The following SMOC2 variants were observed in gnomAD, a reference collection of about 807,000 sequenced individuals.
The protein encoded by SMOC2 is SPARC-related modular calcium-binding protein 2.
SMOC2 carries 39 observed loss-of-function variants against 61.4 expected under a neutral mutation model. The ratio of observed to expected loss-of-function variants is 0.64; its 90% CI spans 0.49 to 0.83. SMOC2 has a LOEUF of 0.83. SMOC2 is among the 40% of genes least tolerant of loss of function. The pLI, the probability that SMOC2 is intolerant of heterozygous loss-of-function variation, is 0.00. For synonymous variants in SMOC2, 247 were observed against 239.9 expected, an observed-to-expected ratio of 1.03 and a Z score of -0.27; for missense variants, 556 against 592.9, an observed-to-expected ratio of 0.94 and a Z score of 0.65.
chr6:168,626,091 C>T (rs1016032773), intron 9 of SMOC2, among the ~76,000 whole-genome samples: 1 of 152,176 alleles, frequency 6.6e-6, no homozygotes, highest in Non-Finnish European at 1.5e-5. Context: ...TCAAGTAGCC[C>T]CCACGTGAAG....
chr6:168,522,697 G>A (rs1447939836), intron 2 of SMOC2, among the ~76,000 whole-genome samples: 1 of 152,078 alleles, frequency 6.6e-6, no homozygotes, highest in Non-Finnish European at 1.5e-5. Context: ...AGACACAGAA[G>A]TATACCTCGT....
intron 7 of SMOC2, among the ~76,000 whole-genome samples, chr6:168,598,323 G>C (rs761321924): frequency 6.6e-6 from 1 of 152,226 alleles, no homozygotes; most frequent in Non-Finnish European, 1.5e-5. Flanking sequence ...CGCATGTTGA[G>C]AATGAGGAGA....
chr6:168,567,027 A>G (rs916764974), intron 7 of SMOC2, among the ~76,000 whole-genome samples: 1 of 152,124 alleles, frequency 6.6e-6, no homozygotes, highest in Non-Finnish European at 1.5e-5. Context: ...ATAGCTCATA[A>G]CTCTTTGAAG....
At chr6:168,478,932 C>T (rs1282578777) in intron 1 of SMOC2, among the ~76,000 whole-genome samples, 1 of 151,452 alleles carries the variant, frequency 6.6e-6, no homozygotes, top group Admixed American at 6.6e-5. Flanking sequence ...TTTACAGACC[C>T]TGTCTCGGGA....
Position 168,652,949 on chromosome 6 carries a change from T to C in SMOC2, c.1011-5T>C, listed in dbSNP as rs1285978010. On this transcript the variant is annotated splice_region_variant and splice_polypyrimidine_tract_variant and intron_variant, in intron 10 of 12. Transcript: ENST00000356284. ...GCATCCTGACGGCATCTGTGTTCCT[T>C]CCAGGCTCTCAGAACCCGACCCCAG... 6.2e-7 allele frequency: 1 copy of C among 1,612,242 alleles called. No homozygotes were observed. The highest frequency in any genetic ancestry group is 1.3e-5 in the African/African-American group (1 of 74,748).
intron 1 of SMOC2, among the ~76,000 whole-genome samples, chr6:168,460,610 A>C (rs1349369225): frequency 2.0e-5 from 3 of 152,184 alleles, no homozygotes; most frequent in African/African-American, 4.8e-5. Flanking sequence ...AAGCTTCAGG[A>C]ACCCGGTGTG....
At chr6:168,555,880 C>G (rs1784236680) in intron 7 of SMOC2, among the ~76,000 whole-genome samples, 1 of 152,140 alleles carries the variant, frequency 6.6e-6, no homozygotes, top group African/African-American at 2.4e-5. Context: ...CTCCTAAGGC[C>G]GAGGCAGCAC....
intron 9 of SMOC2, among the ~76,000 whole-genome samples, chr6:168,626,877 C>A (rs1269329210): frequency 6.6e-6 from 1 of 152,138 alleles, no homozygotes; most frequent in Non-Finnish European, 1.5e-5. Context: ...AGACCCGGGG[C>A]CCTGACAGCC....
chr6:168,487,703 A>G (rs192232525), intron 1 of SMOC2, among the ~76,000 whole-genome samples: 1 of 151,974 alleles, frequency 6.6e-6, no homozygotes, highest in African/African-American at 2.4e-5. Flanking sequence ...GGGCTTCACC[A>G]TGTTGGCCAG....
intron 9 of SMOC2, among the ~76,000 whole-genome samples, chr6:168,615,820 G>A (rs541009973): frequency 1.4e-4 from 21 of 152,278 alleles, no homozygotes; most frequent in African/African-American, 3.9e-4. Context: ...CATAATTATC[G>A]TCTTTGACTC....
chr6:168,517,768 G>A (rs1001354103), intron 2 of SMOC2, among the ~76,000 whole-genome samples: 1 of 152,224 alleles, frequency 6.6e-6, no homozygotes, highest in African/African-American at 2.4e-5. Flanking sequence ...AGACTCTGAC[G>A]GGTGAGGCGC....
chr6:168,595,759 T>C lies in SMOC2; in HGVS notation c.638-3059T>C, dbSNP rs143693638. Among the ~76,000 whole-genome samples, 246 of 152,374 alleles carry C rather than the reference T, an allele frequency of 1.6e-3. 1 individual carries two copies. The highest frequency in any genetic ancestry group is 6.8e-3 in the Middle Eastern group (2 of 294). ...TCTTCTGACTCTGCTCTAATATCTT[T>C]AATATTTTATATCATGCTCATCAAA... On this transcript the variant is annotated intron_variant, in intron 7 of 12. Coordinates refer to ENST00000356284, the MANE Select transcript of SMOC2 (RefSeq NM_001166412.2).
intron 8 of SMOC2, among the ~76,000 whole-genome samples, chr6:168,601,239 C>G (rs530874809): frequency 5.3e-5 from 8 of 152,236 alleles, no homozygotes; most frequent in Non-Finnish European, 8.8e-5. Flanking sequence ...CACCGTCTGG[C>G]CCGCTGGGAG....
In SMOC2 at chr6:168,643,620, C is replaced by G. The variant is rs191105911; in HGVS notation, c.908-7061C>G. Among the ~76,000 whole-genome samples the G allele has an allele frequency of 1.5e-4, 23 of 152,358 alleles. No homozygotes were observed. In the East Asian group the frequency reaches 4.4e-3, roughly 29 times the overall value. On this transcript the variant is annotated intron_variant, in intron 9 of 12. Coordinates refer to ENST00000356284, the MANE Select transcript of SMOC2 (RefSeq NM_001166412.2). ...GCGTGGTGGTGGGCAGGGGCCTTGT[C>G]TGCTGTTCCCGGCCTCATCATGGCC...
chr6:168,603,808 G>T (rs1417044314), intron 8 of SMOC2, among the ~76,000 whole-genome samples: 1 of 152,188 alleles, frequency 6.6e-6, no homozygotes, highest in East Asian at 1.9e-4. Flanking sequence ...CGACATCAGA[G>T]TCAAGACCTC....
intron 9 of SMOC2, among the ~76,000 whole-genome samples, chr6:168,609,110 A>G (rs1785786978): frequency 6.6e-6 from 1 of 152,226 alleles, no homozygotes; most frequent in Non-Finnish European, 1.5e-5. Flanking sequence ...TTTCATTGCT[A>G]CGTGTTCATA....
At chr6:168,547,264 C>G (rs1784025772) in intron 6 of SMOC2, 95 bp downstream of exon 6, 3 of 1,060,984 alleles carry the variant, frequency 2.8e-6, no homozygotes, top group Non-Finnish European at 4.4e-6. Context: ...TGTTAGAGCT[C>G]CGTTCAGTAT....
chr6:168,599,409 CACATTCAT>C (rs1345980660), intron 8 of SMOC2, among the ~76,000 whole-genome samples: 2 of 130,054 alleles, frequency 1.5e-5, no homozygotes, highest in Non-Finnish European at 3.3e-5. Flanking sequence ...CTGACACACA[CACATTCAT>C]ACCCCCCACA....
chr6:168,518,032 G>A (rs1583073253), intron 2 of SMOC2, among the ~76,000 whole-genome samples: 1 of 152,354 alleles, frequency 6.6e-6, no homozygotes, highest in South Asian at 2.1e-4. Flanking sequence ...TCGCATGAGT[G>A]TTTCCGTCGA....
Sources: allele counts gnomAD v4.1 joint callset (sites outside exome capture counted in the v4.1 genomes callset), GRCh38; gene constraint gnomAD v4.1.1; transcripts MANE v1.5; gene names NCBI Gene and HGNC (gene_info 2026-07-23, HGNC 2026-07-21).